The following GMDS variants were observed in gnomAD, a reference collection of about 807,000 sequenced individuals.
GMDS encodes GDP-mannose 4,6 dehydratase.
Under a neutral mutation model 49.9 loss-of-function variants are expected in GMDS, and 20 were observed. That is an observed-to-expected ratio of 0.40 (90% CI 0.28 to 0.58). GMDS has a LOEUF of 0.58. Among genes scored for constraint, GMDS ranks in the 20% least tolerant of loss-of-function variants. The probability of loss-of-function intolerance (pLI) is 0.42; values close to 1 mark genes in which losing one functional copy is unlikely to be tolerated. For synonymous variants in GMDS, 177 were observed against 178.6 expected (o/e 0.99, Z 0.07); for missense variants, 362 against 481.4 (o/e 0.75, Z 2.32).
At chr6:1,768,030 A>T (rs1031381957) in intron 7 of GMDS, among the ~76,000 whole-genome samples, 8 of 151,898 alleles carry the variant, frequency 5.3e-5, no homozygotes, top group African/African-American at 1.9e-4. Flanking sequence ...AAAGGTAAAA[A>T]GTGGGTCTGG....
intron 4 of GMDS, among the ~76,000 whole-genome samples, chr6:2,088,672 T>C (rs1370682682): frequency 6.6e-6 from 1 of 152,170 alleles, no homozygotes; most frequent in Non-Finnish European, 1.5e-5. Context: ...ACAATCTTGA[T>C]CCTAGAGATG....
chr6:1,913,380 CAAA>C (rs1761178456), intron 7 of GMDS, among the ~76,000 whole-genome samples: 1 of 39,554 alleles, frequency 2.5e-5, no homozygotes, highest in Admixed American at 3.5e-4. Flanking sequence ...GACTCCGTCT[CAAA>C]CAAACAAAAA....
At chr6:1,914,485 A>T (rs1761271703) in intron 7 of GMDS, among the ~76,000 whole-genome samples, 1 of 151,990 alleles carries the variant, frequency 6.6e-6, no homozygotes, top group Admixed American at 6.6e-5. Context: ...AAAAAAGAAA[A>T]AAAAGAGAGA....
intron 9 of GMDS, among the ~76,000 whole-genome samples, chr6:1,643,592 A>G (rs533720420): frequency 6.6e-5 from 10 of 152,214 alleles, no homozygotes; most frequent in Non-Finnish European, 1.2e-4. Flanking sequence ...GGACAGCGGA[A>G]GTTCAGAATC....
chr6:2,065,178 A>G (rs572862157), intron 4 of GMDS, among the ~76,000 whole-genome samples: 326 of 152,202 alleles, frequency 2.1e-3, no homozygotes, highest in African/African-American at 5.2e-3. Context: ...CACCTCACAC[A>G]GCCTGGTACT....
intron 1 of GMDS, among the ~76,000 whole-genome samples, chr6:2,168,176 T>C (rs559880733): frequency 6.0e-4 from 91 of 152,288 alleles, no homozygotes; most frequent in African/African-American, 2.1e-3. Flanking sequence ...TTTCCCTTCC[T>C]TCCTCAGAAG....
At chr6:1,685,121 G>A (rs1461183599) in intron 9 of GMDS, among the ~76,000 whole-genome samples, 1 of 152,140 alleles carries the variant, frequency 6.6e-6, no homozygotes, top group African/African-American at 2.4e-5. Flanking sequence ...AGGAGGCTGA[G>A]TGCGGTGGCT....
chr6:1,738,126 CAT>C (rs1416938976), intron 8 of GMDS, among the ~76,000 whole-genome samples: 1 of 143,950 alleles, frequency 6.9e-6, no homozygotes, highest in African/African-American at 2.6e-5. Context: ...ACCACACACC[CAT>C]ACACACATAC....
intron 9 of GMDS, among the ~76,000 whole-genome samples, chr6:1,688,097 G>C (rs1214196726): frequency 6.6e-6 from 1 of 152,182 alleles, no homozygotes; most frequent in African/African-American, 2.4e-5. Flanking sequence ...AGCGGGGCTT[G>C]GGAGGCTGGT....
intron 7 of GMDS, among the ~76,000 whole-genome samples, chr6:1,791,858 T>C (rs1056059208): frequency 2.0e-5 from 3 of 152,172 alleles, no homozygotes; most frequent in African/African-American, 4.8e-5. Flanking sequence ...ATAAGTAATA[T>C]AGAAAGTCAA....
intron 4 of GMDS, among the ~76,000 whole-genome samples, chr6:1,991,333 C>A: frequency 6.6e-6 from 1 of 152,068 alleles, no homozygotes; most frequent in Non-Finnish European, 1.5e-5. Flanking sequence ...CTCAAGGGCC[C>A]CCCTAAAAAG....
At chr6:2,046,352 T>C (rs1258242924) in intron 4 of GMDS, among the ~76,000 whole-genome samples, 2 of 152,208 alleles carry the variant, frequency 1.3e-5, no homozygotes, top group Non-Finnish European at 2.9e-5. Context: ...TCATATGAAA[T>C]AACTAGATTA....
chr6:1,881,450 G>A (rs1186829589), intron 7 of GMDS, among the ~76,000 whole-genome samples: 1 of 152,126 alleles, frequency 6.6e-6, no homozygotes, highest in Admixed American at 6.5e-5. Flanking sequence ...TAGGAAAAAA[G>A]GAGCTGAATA....
At chr6:2,066,034 A>G (rs531304020) in intron 4 of GMDS, among the ~76,000 whole-genome samples, 86 of 152,354 alleles carry the variant, frequency 5.6e-4, no homozygotes, top group African/African-American at 1.9e-3. Context: ...AGGTCAGGTT[A>G]CCCTCAAAGG....
At chr6:1,795,268 C>T (rs1052413301) in intron 7 of GMDS, among the ~76,000 whole-genome samples, 4 of 152,148 alleles carry the variant, frequency 2.6e-5, no homozygotes, top group Non-Finnish European at 4.4e-5. Flanking sequence ...CTACATGCTA[C>T]CAAAGACTCT....
chr6:2,169,038 G>A (rs1259123016), intron 1 of GMDS, among the ~76,000 whole-genome samples: 1 of 152,112 alleles, frequency 6.6e-6, no homozygotes, highest in African/African-American at 2.4e-5. Flanking sequence ...AGGATTCAGA[G>A]AGAATTTGTA....
At chr6:1,689,280 C>G (rs1291468126) in intron 9 of GMDS, among the ~76,000 whole-genome samples, 2 of 152,120 alleles carry the variant, frequency 1.3e-5, no homozygotes, top group Non-Finnish European at 2.9e-5. Context: ...GCTCCACACC[C>G]AATACTGCAA....
intron 1 of GMDS, among the ~76,000 whole-genome samples, chr6:2,154,506 A>G (rs1481698095): frequency 2.0e-5 from 3 of 152,150 alleles, no homozygotes; most frequent in Non-Finnish European, 4.4e-5. Flanking sequence ...TGTAATTTGG[A>G]TTTTGGCATA....
intron 6 of GMDS, among the ~76,000 whole-genome samples, chr6:1,957,444 T>C (rs911555996): frequency 3.3e-5 from 5 of 152,200 alleles, no homozygotes; most frequent in Non-Finnish European, 5.9e-5. Flanking sequence ...ATGCTGTAAA[T>C]AGTAGGCATT....
Sources: gnomAD v4.1 joint callset for allele counts (sites outside exome capture counted in the v4.1 genomes callset) on GRCh38, gnomAD v4.1.1 for gene constraint, MANE v1.5 for transcripts, NCBI Gene and HGNC (gene_info 2026-07-23, HGNC 2026-07-21) for gene names.